CCBE1: variants seen among roughly 807,000 people sequenced by gnomAD.
The protein encoded by CCBE1 is collagen and calcium-binding EGF domain-containing protein 1.
In CCBE1, 37 loss-of-function variants were observed where a neutral mutation model predicts 50.0. The ratio of observed to expected loss-of-function variants is 0.74; its 90% confidence interval spans 0.57 to 0.97. CCBE1 has a LOEUF of 0.97. CCBE1 is among the 50% of genes least tolerant of loss of function. CCBE1 has a pLI of 0.00. For missense variants in CCBE1, 538 were observed against 523.8 expected (o/e 1.03, Z -0.26); for synonymous variants, 234 against 203.7 (o/e 1.15, Z -1.27).
intron 2 of CCBE1, among the ~76,000 whole-genome samples, chr18:59,671,483 G>C (rs1316057420): frequency 6.9e-6 from 1 of 145,602 alleles, no homozygotes; most frequent in African/African-American, 2.6e-5. Flanking sequence ...GGGCAACAGA[G>C]TGAGACCTTG....
At chr18:59,643,257 ACT>A (rs1228619794) in intron 2 of CCBE1, among the ~76,000 whole-genome samples, 2 of 152,046 alleles carry the variant, frequency 1.3e-5, no homozygotes, top group Non-Finnish European at 2.9e-5. Context: ...TAAATATTTG[ACT>A]CTAATTTTCA....
At chr18:59,530,200 C>T (rs1914994075) in intron 2 of CCBE1, among the ~76,000 whole-genome samples, 1 of 152,004 alleles carries the variant, frequency 6.6e-6, no homozygotes, top group Non-Finnish European at 1.5e-5. Flanking sequence ...AGAAGAGGCA[C>T]CAGGTGGCCA....
At chr18:59,529,813 C>A (rs560710694) in intron 2 of CCBE1, among the ~76,000 whole-genome samples, 1 of 152,118 alleles carries the variant, frequency 6.6e-6, no homozygotes, top group African/African-American at 2.4e-5. Context: ...CCCTCCTAGC[C>A]CCTGGTGGCA....
Position 59,564,740 on chromosome 18 carries a change from G to T in CCBE1, c.213-84502C>A, listed in dbSNP as rs550534139. 6.6e-5 allele frequency among the ~76,000 whole-genome samples: 10 copies of T among 152,318 alleles called. No individual in the cohort carries two copies. In the South Asian group the frequency reaches 2.1e-3, roughly 32 times the overall value. The stretch of plus-strand genomic sequence containing the variant: ...TGGAATGAAGACGATGAACACTGAG[G>T]CCATATGAGGTTGGCTGGGGAAAGG... On this transcript the variant is annotated intron_variant, in intron 2 of 10. Transcript: ENST00000439986.
At chr18:59,674,296 A>G (rs762273968) in intron 2 of CCBE1, among the ~76,000 whole-genome samples, 4 of 152,236 alleles carry the variant, frequency 2.6e-5, no homozygotes, top group Admixed American at 6.5e-5. Flanking sequence ...CTGTACACCT[A>G]TAAAAAAGGA....
At chr18:59,697,087 T>TC (rs1317513814) in intron 1 of CCBE1, 125 bp downstream of exon 1, 8 of 1,312,376 alleles carry the variant, frequency 6.1e-6, no homozygotes, top group Non-Finnish European at 8.4e-6. Context: ...ACTCTCCTTA[T>TC]CCCCGGAGAA....
intron 3 of CCBE1, 118 bp from the exon 4 acceptor site, chr18:59,469,725 C>T: frequency 2.3e-6 from 3 of 1,327,684 alleles, no homozygotes; most frequent in Non-Finnish European, 3.2e-6. Context: ...GAAGTGTGGA[C>T]AGATATACTT....
At chr18:59,508,321 G>C (rs897825935) in intron 2 of CCBE1, among the ~76,000 whole-genome samples, 1 of 152,054 alleles carries the variant, frequency 6.6e-6, no homozygotes, top group African/African-American at 2.4e-5. Context: ...TGCCTCACTG[G>C]GTGTGGTGGC....
chr18:59,676,881 A>G (rs1014391974), intron 2 of CCBE1, among the ~76,000 whole-genome samples: 3 of 152,196 alleles, frequency 2.0e-5, no homozygotes, highest in Non-Finnish European at 2.9e-5. Flanking sequence ...CCTTTTATCC[A>G]GGTACAGGGA....
intron 2 of CCBE1, among the ~76,000 whole-genome samples, chr18:59,508,711 C>CTTTTTTTTTTTTT (rs55881131): frequency 4.2e-5 from 4 of 95,684 alleles, no homozygotes; most frequent in African/African-American, 1.8e-4. Flanking sequence ...TAGAGTTACG[C>CTTTTTTTTTTTTT]TTTTTTTTTT....
intron 2 of CCBE1, among the ~76,000 whole-genome samples, chr18:59,491,838 A>ATAAACAAACAAAC (rs1555683264): frequency 3.3e-5 from 5 of 151,578 alleles, no homozygotes; most frequent in Non-Finnish European, 5.9e-5. Flanking sequence ...AAACAAACAA[A>ATAAACAAACAAAC]AAAAAACGTT....
intron 2 of CCBE1, among the ~76,000 whole-genome samples, chr18:59,595,414 G>A (rs2053336950): frequency 6.6e-6 from 1 of 152,008 alleles, no homozygotes; most frequent in Non-Finnish European, 1.5e-5. Flanking sequence ...CTGAGAAATG[G>A]AAATAATGGT....
chr18:59,627,484 G>A (rs77335780), intron 2 of CCBE1, among the ~76,000 whole-genome samples: 5,023 of 152,220 alleles, frequency 0.033, 121 homozygotes, highest in Non-Finnish European at 0.052. Flanking sequence ...TCCTGGTACC[G>A]GAGAAATAGG....
chr18:59,493,737 C>T (rs1555683498), intron 2 of CCBE1, among the ~76,000 whole-genome samples: 6 of 152,206 alleles, frequency 3.9e-5, no homozygotes, highest in Admixed American at 2.6e-4. Context: ...AATGGATATG[C>T]TTAGTGGTAT....
In CCBE1 at chr18:59,695,648, G is replaced by T. The variant is rs529394421; in HGVS notation, c.212+981C>A. 5.3e-5 allele frequency among the ~76,000 whole-genome samples: 8 copies of T among 152,312 alleles called. No homozygotes were observed. The South Asian group carries it at 1.5e-3, about 28-fold the overall frequency. On this transcript the variant is annotated intron_variant, in intron 2 of 10. Transcript: ENST00000439986. Reference sequence around the variant, plus strand: ...CTCACCTGCAAGAAACGCTATGATTGATTCACAGGCTACAACCTTATAAGG... The same window carrying T: ...CTCACCTGCAAGAAACGCTATGATTTATTCACAGGCTACAACCTTATAAGG...
chr18:59,658,129 G>A (rs1262911969), intron 2 of CCBE1, among the ~76,000 whole-genome samples: 1 of 150,348 alleles, frequency 6.7e-6, no homozygotes, highest in African/African-American at 2.4e-5. Flanking sequence ...ACAGCAATAT[G>A]ACTTGATTCA....
intron 7 of CCBE1, among the ~76,000 whole-genome samples, chr18:59,446,308 A>G (rs147597047): frequency 1.2e-3 from 190 of 152,328 alleles, no homozygotes; most frequent in African/African-American, 4.3e-3. Flanking sequence ...CTAGTGATCT[A>G]TAGCCTGGAG....
intron 2 of CCBE1, among the ~76,000 whole-genome samples, chr18:59,540,429 C>G (rs958694292): frequency 6.6e-6 from 1 of 152,154 alleles, no homozygotes; most frequent in African/African-American, 2.4e-5. Context: ...AAGCTGAGCC[C>G]ATGTGTCCAT....
Position 59,445,515 on chromosome 18 carries a change from T to C in CCBE1, c.775+2468A>G, listed in dbSNP as rs1910630969. 4.6e-5 allele frequency among the ~76,000 whole-genome samples: 7 copies of C among 152,188 alleles called. No individual in the cohort carries two copies. In the South Asian group the frequency reaches 1.2e-3, roughly 27 times the overall value. On this transcript the variant is annotated intron_variant, in intron 7 of 10. Transcript: ENST00000439986. ...TAGTACTGACAGAGCAGTGACAAGA[T>C]GGAATGACAGTCAGACTCCAGCAAA...
Sources: gnomAD v4.1 joint callset for allele counts (sites outside exome capture counted in the v4.1 genomes callset) on GRCh38, gnomAD v4.1.1 for gene constraint, MANE v1.5 for transcripts, NCBI Gene and HGNC (gene_info 2026-07-23, HGNC 2026-07-21) for gene names.